The following CYBB variants were observed in gnomAD, a reference collection of about 807,000 sequenced individuals.
CYBB encodes the protein cytochrome b-245 beta chain, also known as NADPH oxidase 2.
In CYBB, 5 loss-of-function variants were observed where a neutral mutation model predicts 46.5. The observed-to-expected ratio is 0.11, with a 90% CI of 0.06 to 0.23. CYBB has a LOEUF of 0.23. CYBB is among the 10% of genes least tolerant of loss of function. CYBB has a pLI of 1.00. For synonymous variants in CYBB, 183 were observed against 156.7 expected, an observed-to-expected ratio of 1.17 and a Z score of -1.26; for missense variants, 307 against 428.3, an observed-to-expected ratio of 0.72 and a Z score of 2.50.
chrX:37,807,432 C>T (rs1929588016), intron 11 of CYBB, among the ~76,000 whole-genome samples: 1 of 109,976 alleles, frequency 9.1e-6, no homozygotes. Context: ...AATATACTCA[C>T]TACATTTATA....
At chrX:37,786,527 A>T (rs1556465582) in intron 3 of CYBB, among the ~76,000 whole-genome samples, 2 of 111,547 alleles carry the variant, frequency 1.8e-5, no homozygotes, top group Admixed American at 1.9e-4. Flanking sequence ...TTCAGTTTCT[A>T]GAGGTCTCAA....
chrX:37,789,092 G>T (rs782717116), intron 3 of CYBB, among the ~76,000 whole-genome samples: 2 of 111,020 alleles, frequency 1.8e-5, no homozygotes, highest in African/African-American at 6.6e-5. Context: ...ATCATCTAGG[G>T]TCCACTCAAA....
intron 3 of CYBB, among the ~76,000 whole-genome samples, chrX:37,785,214 A>AAAG (rs10644031): frequency 0.31 from 34,416 of 110,875 alleles, 6,177 homozygotes; most frequent in African/African-American, 0.69. Flanking sequence ...TTCCTCAGAA[A>AAAG]AAGAAGAATG....
Position 37,804,951 on chromosome X carries a change from C to G in CYBB, c.1152-55C>G, listed in dbSNP as rs1041204201. 119 of 1,138,767 alleles carry G rather than the reference C, an allele frequency of 1.0e-4. No homozygotes were observed. In the African/African-American group the frequency reaches 1.8e-3, roughly 18 times the overall value. 93.8% of individuals were successfully genotyped at this position (1,138,767 alleles called of 1,213,427 possible). Reference sequence around the variant, plus strand: ...TCCCCAATAATTATGGGTGCCCCATCTCACTCTGAAGAGCAAGACATCTCT... The same window carrying G: ...TCCCCAATAATTATGGGTGCCCCATGTCACTCTGAAGAGCAAGACATCTCT... On this transcript the variant is annotated intron_variant, in intron 9 of 12. Coordinates refer to ENST00000378588, the MANE Select transcript of CYBB (RefSeq NM_000397.4).
At chrX:37,796,167 G>A (rs952771681) in intron 6 of CYBB, 26 bp downstream of exon 6, 1 of 1,150,853 alleles carries the variant, frequency 8.7e-7, no homozygotes, top group South Asian at 1.8e-5. Flanking sequence ...CTGAAGTGAA[G>A]GATTTCATGT....
chrX:37,781,897 G>C (rs1469185930), intron 1 of CYBB, among the ~76,000 whole-genome samples, 191 bp from the exon 2 acceptor site: 2 of 111,639 alleles, frequency 1.8e-5, no homozygotes, highest in African/African-American at 6.5e-5. Context: ...AGGGTGGAGA[G>C]GTTTTAATTA....
rs1929376791 is a variant in CYBB at position 37,798,988 on chromosome X, G to T, written c.708G>T (p.Leu236Phe). The T allele has an allele frequency of 2.5e-6, 3 of 1,208,262 alleles. No homozygotes were observed. Among genetic ancestry groups the T allele is most frequent in the Non-Finnish European group, 2.2e-6 (2 of 892,927 alleles). ...RIVRGQTAES[L>F]AVHNITVCEQ... ...TACGTGGGCAGACCGCAGAGAGTTT[G>T]GCTGTGCATAATATAACAGTTTGTG... is the stretch of plus-strand genomic sequence containing the variant. Residue 236 changes from leucine (L) to phenylalanine (F), a missense_variant, in exon 7 of 13, where the codon TTG (leucine) becomes TTT (phenylalanine). Leu to Phe is a conservative substitution (Grantham distance 22). Transcript: ENST00000378588.
chrX:37,803,453 C>T (rs1400843144), intron 8 of CYBB, among the ~76,000 whole-genome samples: 3 of 110,715 alleles, frequency 2.7e-5, no homozygotes, highest in African/African-American at 9.9e-5. Flanking sequence ...GTTGGATTCC[C>T]TGGTAAAGAC....
intron 7 of CYBB, among the ~76,000 whole-genome samples, chrX:37,800,852 C>T (rs1556469710): frequency 2.7e-5 from 3 of 112,304 alleles, no homozygotes; most frequent in African/African-American, 9.7e-5. Flanking sequence ...TAAGAGAAAG[C>T]AATCACAGTG....
Position 37,782,147 on chromosome X carries a change from T to G in CYBB, c.105T>G (p.Ile35Met). The change falls in exon 2 of 13, where the codon ATT becomes ATG. Residue 35 changes from isoleucine (I) to methionine (M), a missense_variant. This residue lies in a region of CYBB where 103 missense variants were observed against 150.2 expected (regional missense o/e 0.69). Transcript: ENST00000378588. ...TCTGGTATTACCGGGTTTATGATAT[T>G]CCACCTAAGTTCTTTTACACAAGAA... The part of the protein sequence containing the change: ...LFVWYYRVYD[I>M]PPKFFYTRKL... The G allele has an allele frequency of 1.7e-6, 2 of 1,207,559 alleles. No individual in the cohort carries two copies. Among genetic ancestry groups the G allele is most frequent in the Non-Finnish European group, 2.2e-6 (2 of 891,483 alleles).
chrX:37,795,959 A>G lies in CYBB; in HGVS notation c.492A>G (p.Glu164=). 1 of 1,186,183 alleles carries G rather than the reference A, an allele frequency of 8.4e-7. No individual in the cohort carries two copies. Among genetic ancestry groups the G allele is most frequent in the East Asian group, 3.0e-5 (1 of 33,511 alleles). Residue 164 remains glutamate, a synonymous_variant, in exon 6 of 13, where the codon GAA becomes GAG. Transcript: ENST00000378588. ...GTGTTTATATTTTACAGAACCCTGA[A>G]GGAGGCCTGTACCTGGCTGTGACCC... ...NFARKRIKNP[E]GGLYLAVTLL... is the part of the protein sequence containing the mutation.
rs1440155277 is a variant in CYBB, at chrX:37,787,634, G to A, written c.252+4034G>A. On this transcript the variant is annotated intron_variant, in intron 3 of 12. Transcript: ENST00000378588. The stretch of plus-strand genomic sequence containing the variant: ...GGAAGCTATGGGGCATGATGGCAAC[G>A]TGGATAATTGGGAAGTGGCTGGCAA... 3.6e-5 allele frequency among the ~76,000 whole-genome samples: 4 copies of A among 111,718 alleles called. No homozygotes were observed. In the East Asian group the frequency reaches 1.1e-3, roughly 31 times the overall value.
Position 37,810,993 on chromosome X carries a change from A to AC in CYBB, c.*81dup. Reference sequence around the variant, plus strand: ...AATAATGCTAATTGATAATATAAATACCCCCTGCTTAAAAATGGACAAAAA... The same window carrying AC: ...AATAATGCTAATTGATAATATAAATACCCCCCTGCTTAAAAATGGACAAAAA... On this transcript the variant is annotated 3_prime_UTR_variant, in exon 13 of 13. Coordinates refer to ENST00000378588, the MANE Select transcript of CYBB (RefSeq NM_000397.4). The AC allele has an allele frequency of 6.3e-6, 6 of 954,907 alleles. No homozygotes were observed. The South Asian group carries it at 1.2e-4, about 20-fold the overall frequency. The allele number at this position is 954,907 out of a possible 1,213,427, so 78.7% of individuals were successfully genotyped here. A position where few individuals can be genotyped will look rare whatever the true frequency, so the allele number is the denominator to read the frequency against.
At chrX:37,791,861 C>G (rs782750146) in intron 3 of CYBB, 114 bp from the exon 4 acceptor site, 111 of 548,437 alleles carry the variant, frequency 2.0e-4, no homozygotes, top group Non-Finnish European at 3.0e-4. Flanking sequence ...TATAATGATA[C>G]AGTTTGCAGG....
intron 4 of CYBB, among the ~76,000 whole-genome samples, chrX:37,792,564 T>C (rs1008960825): frequency 2.7e-5 from 3 of 110,934 alleles, no homozygotes; most frequent in Admixed American, 9.6e-5. Flanking sequence ...GATATATATG[T>C]GTGTATATAG....
chrX:37,805,042 A>C lies in CYBB; in HGVS notation c.1188A>C (p.Glu396Asp). Residue 396 changes from glutamate (E) to aspartate (D), a missense_variant, in exon 10 of 13, where the codon GAA (glutamate) becomes GAC (aspartate). Physicochemically the swap from Glu to Asp is conservative, Grantham distance 45. Coordinates refer to ENST00000378588, the MANE Select transcript of CYBB (RefSeq NM_000397.4). ...ATGGGCCCTTTGGCACTGCCAGTGA[A>C]GATGTGTTCAGCTATGAGGTGGTGA... ...AVDGPFGTAS[E>D]DVFSYEVVML... 2 of 1,211,614 alleles carry C rather than the reference A, an allele frequency of 1.7e-6. No individual in the cohort carries two copies. The highest frequency in any genetic ancestry group is 2.2e-6 in the Non-Finnish European group (2 of 895,237).
At chrX:37,801,411 C>A in intron 8 of CYBB, 63 bp downstream of exon 8, 1 of 713,684 alleles carries the variant, frequency 1.4e-6, no homozygotes, top group Non-Finnish European at 2.3e-6. Context: ...CAAGTCTTCC[C>A]AACTCCTCTA....
chrX:37,780,607 C>A (rs1400746118), intron 1 of CYBB, among the ~76,000 whole-genome samples: 1 of 109,943 alleles, frequency 9.1e-6, no homozygotes, highest in Non-Finnish European at 1.9e-5. Context: ...AAAACAAGTA[C>A]CTTCTTTTTT....
chrX:37,791,742 G>A (rs1602178275), intron 3 of CYBB, among the ~76,000 whole-genome samples: 1 of 111,732 alleles, frequency 8.9e-6, no homozygotes, highest in South Asian at 3.7e-4. Flanking sequence ...TCACCAGTAT[G>A]AGAACAGAAA....
Sources: gnomAD v4.1 joint callset for allele counts (sites outside exome capture counted in the v4.1 genomes callset) on GRCh38, gnomAD v4.1.1 for gene constraint, gnomAD v4.1.1 regional missense constraint, MANE v1.5 for transcripts, NCBI Gene and HGNC (gene_info 2026-07-23, HGNC 2026-07-21) for gene names.